Variants in KDM7A observed in about 807,000 individuals in gnomAD.
KDM7A encodes the protein lysine demethylase 7A, also known as lysine-specific demethylase 7A.
KDM7A carries 28 observed loss-of-function variants against 114.8 expected under a neutral mutation model. That is an observed-to-expected ratio of 0.24 (90% CI 0.18 to 0.33). The LOEUF is 0.33. Among genes scored for constraint, KDM7A ranks in the 10% least tolerant of loss-of-function variants. The pLI is 1.00. For synonymous variants in KDM7A, 423 were observed against 397.8 expected (o/e 1.06, Z -0.75); for missense variants, 942 against 1,142.5 (o/e 0.82, Z 2.53).
At chr7:140,109,713 A>T (rs1367618545) in intron 11 of KDM7A, among the ~76,000 whole-genome samples, 1 of 152,218 alleles carries the variant, frequency 6.6e-6, no homozygotes, top group Non-Finnish European at 1.5e-5. Flanking sequence ...ATCATGCAAG[A>T]TGAAGTCTTA....
At chr7:140,131,995 C>T (rs1210955587) in intron 3 of KDM7A, among the ~76,000 whole-genome samples, 1 of 152,092 alleles carries the variant, frequency 6.6e-6, no homozygotes, top group African/African-American at 2.4e-5. Flanking sequence ...CAACACTATG[C>T]ATAACATAAC....
chr7:140,161,529 T>C (rs549973515), intron 1 of KDM7A, among the ~76,000 whole-genome samples: 1 of 152,272 alleles, frequency 6.6e-6, no homozygotes, highest in South Asian at 2.1e-4. Flanking sequence ...TTTAGTTTTG[T>C]TTTTTCGTTT....
intron 1 of KDM7A, among the ~76,000 whole-genome samples, chr7:140,147,911 A>T (rs1250053945): frequency 6.6e-6 from 1 of 152,196 alleles, no homozygotes; most frequent in Non-Finnish European, 1.5e-5. Flanking sequence ...CAGGTTTCTC[A>T]ATCTGCCTGA....
rs1585144538 is a variant in KDM7A, at chr7:140,111,246, A to C, written c.1339-62T>G. The C allele has an allele frequency of 4.6e-6, 5 of 1,097,704 alleles. No individual in the cohort carries two copies. In the East Asian group the frequency reaches 1.2e-4, roughly 26 times the overall value. The allele number at this position is 1,097,704 out of a possible 1,614,324, so 68.0% of individuals were successfully genotyped here. ...TATTTACACTTTAATATGTAAAAAC[A>C]AATTTACTAAACCAATTTTTGGATT... On this transcript the variant is annotated intron_variant, in intron 10 of 19. Coordinates refer to ENST00000397560, the MANE Select transcript of KDM7A (RefSeq NM_030647.2).
rs1403441356 is a variant in KDM7A at position 140,176,212 on chromosome 7, G to A, written c.194+532C>T. On this transcript the variant is annotated intron_variant, in intron 1 of 19. Transcript: ENST00000397560. The surrounding 1 kb of genome is among the most constrained non-coding windows in gnomAD (Gnocchi z 4.4). ...AGGAAGTTTGATAAAGACGGGGAAG[G>A]GGGCGCGACAGGGACCCGCGGCGCG... Among the ~76,000 whole-genome samples the A allele has an allele frequency of 1.3e-5, 2 of 151,704 alleles. No individual in the cohort carries two copies. The highest frequency in any genetic ancestry group is 1.3e-4 in the Admixed American group (2 of 15,264).
Position 140,116,258 on chromosome 7 carries a change from G to GTA in KDM7A, c.1247-2677_1247-2676insTA, listed in dbSNP as rs549671266. Among the ~76,000 whole-genome samples, 626 of 150,854 alleles carry GTA rather than the reference G, an allele frequency of 4.1e-3. 4 individuals carry two copies. Among genetic ancestry groups the GTA allele is most frequent in the African/African-American group, 0.015 (613 of 40,786 alleles). On this transcript the variant is annotated intron_variant, in intron 9 of 19. Coordinates refer to ENST00000397560, the MANE Select transcript of KDM7A (RefSeq NM_030647.2). ...AAAATGTCAAACTTGCAGAATCAGT[G>GTA]TGTGTGTGTGTGTGTATATCATAGT...
intron 1 of KDM7A, among the ~76,000 whole-genome samples, chr7:140,173,089 A>G (rs1794664759): frequency 2.0e-5 from 3 of 152,174 alleles, no homozygotes; most frequent in African/African-American, 4.8e-5. Flanking sequence ...TGACGATATA[A>G]AAGTATTACA....
At chr7:140,154,804 G>T (rs1794440544) in intron 1 of KDM7A, among the ~76,000 whole-genome samples, 1 of 151,428 alleles carries the variant, frequency 6.6e-6, no homozygotes, top group Admixed American at 6.6e-5. Context: ...TTGGAAAATT[G>T]CCTTAGAAGC....
At chr7:140,129,886 T>C (rs570252042) in intron 3 of KDM7A, among the ~76,000 whole-genome samples, 1 of 152,264 alleles carries the variant, frequency 6.6e-6, no homozygotes, top group South Asian at 2.1e-4. Flanking sequence ...TAGAAATATA[T>C]ATAAACTGGT....
rs1231077679 is a variant in KDM7A, at chr7:140,088,922, T to C, written c.*2172A>G. On this transcript the variant is annotated 3_prime_UTR_variant, in exon 20 of 20. Coordinates refer to ENST00000397560, the MANE Select transcript of KDM7A (RefSeq NM_030647.2). ...TAATTTTTGTGACTAAAGAAAAAAA[T>C]AGAAAATACTCAAGAGCTGTGAAAA... 3 of 155,106 alleles carry C rather than the reference T, an allele frequency of 1.9e-5. No homozygotes were observed. The highest frequency in any genetic ancestry group is 2.1e-4 in the South Asian group (1 of 4,818). The allele number at this position is 155,106 out of a possible 1,614,324, so 9.6% of individuals were successfully genotyped here.
chr7:140,148,930 T>G (rs1338304342), intron 1 of KDM7A, among the ~76,000 whole-genome samples: 1 of 152,320 alleles, frequency 6.6e-6, no homozygotes, highest in Middle Eastern at 3.4e-3. Flanking sequence ...ACTATATGCT[T>G]AAGGGGTCTG....
At position 140,093,334 on chromosome 7, in the gene KDM7A, C is replaced by T. The variant is rs76731620; in HGVS notation, c.2457+722G>A. Among the ~76,000 whole-genome samples, 706 of 152,304 alleles carry T rather than the reference C, an allele frequency of 4.6e-3. 7 individuals carry two copies. Among genetic ancestry groups the T allele is most frequent in the African/African-American group, 0.016 (646 of 41,572 alleles). On this transcript the variant is annotated intron_variant, in intron 18 of 19. Transcript: ENST00000397560. ...ACTTCTTAAACAGTCGACTCATGTT[C>T]CCCTCTGTCTCCTCTTCCCTCCTTC...
intron 14 of KDM7A, among the ~76,000 whole-genome samples, chr7:140,098,624 A>G (rs1170299818): frequency 6.6e-6 from 1 of 152,178 alleles, no homozygotes; most frequent in Non-Finnish European, 1.5e-5. Flanking sequence ...ACTCTTTAAA[A>G]ACTGACTAGA....
At chr7:140,151,276 G>A (rs977569151) in intron 1 of KDM7A, among the ~76,000 whole-genome samples, 1 of 152,166 alleles carries the variant, frequency 6.6e-6, no homozygotes, top group African/African-American at 2.4e-5. Flanking sequence ...GACTTTCTAT[G>A]AAAGCTTCGT....
intron 1 of KDM7A, among the ~76,000 whole-genome samples, chr7:140,164,316 TCAA>T (rs952477064): frequency 1.3e-5 from 2 of 152,200 alleles, no homozygotes; most frequent in African/African-American, 4.8e-5. Flanking sequence ...TCAGGGTTTC[TCAA>T]CAACAACACT....
chr7:140,163,188 G>A (rs1450295018), intron 1 of KDM7A, among the ~76,000 whole-genome samples: 1 of 151,996 alleles, frequency 6.6e-6, no homozygotes, highest in Admixed American at 6.6e-5. Flanking sequence ...TAGAGACGGG[G>A]TTTCACCGTG....
chr7:140,131,763 C>T (rs1378010729), intron 3 of KDM7A, among the ~76,000 whole-genome samples: 3 of 152,102 alleles, frequency 2.0e-5, no homozygotes, highest in Non-Finnish European at 4.4e-5. Context: ...TTTTATTTCC[C>T]CTTTTGATCA....
intron 3 of KDM7A, among the ~76,000 whole-genome samples, chr7:140,131,491 G>C (rs993896511): frequency 6.6e-6 from 1 of 152,110 alleles, no homozygotes; most frequent in Admixed American, 6.5e-5. Context: ...CTGAATTACT[G>C]GGCTCTGATC....
chr7:140,172,652 CA>C (rs796729282), intron 1 of KDM7A, among the ~76,000 whole-genome samples: 1,318 of 131,756 alleles, frequency 0.01, 14 homozygotes, highest in African/African-American at 0.032. Flanking sequence ...AACTCCGTCT[CA>C]AAAAAAAAAA....
Sources: allele counts gnomAD v4.1 joint callset (sites outside exome capture counted in the v4.1 genomes callset), GRCh38; gene constraint gnomAD v4.1.1; non-coding constraint Gnocchi (gnomAD v3.1); transcripts MANE v1.5; gene names NCBI Gene and HGNC (gene_info 2026-07-23, HGNC 2026-07-21).